The following COL9A1 variants were observed in gnomAD, a reference collection of about 807,000 sequenced individuals.
The protein encoded by COL9A1 is collagen type IX alpha 1 chain, also known as collagen alpha-1(IX) chain.
Under a neutral mutation model 142.6 loss-of-function variants are expected in COL9A1, and 104 were observed. The observed-to-expected ratio is 0.73, with a 90% CI of 0.62 to 0.86. The LOEUF (loss-of-function observed/expected upper bound fraction) is 0.86, where lower values mean the gene tolerates loss of function less well. Ranked by LOEUF, COL9A1 falls within the 40% of genes least tolerant of loss-of-function variation. COL9A1 has a pLI of 0.00. For synonymous variants in COL9A1, 466 were observed against 396.0 expected, an observed-to-expected ratio of 1.18 and a Z score of -2.10; for missense variants, 1,210 against 1,176.6, an observed-to-expected ratio of 1.03 and a Z score of -0.42.
chr6:70,226,109 G>A, intron 36 of COL9A1, 100 bp from the exon 37 acceptor site: 2 of 1,055,932 alleles, frequency 1.9e-6, no homozygotes, highest in Non-Finnish European at 2.8e-6. Flanking sequence ...AAACCAAAAG[G>A]TCATGAAATT....
intron 26 of COL9A1, chr6:70,253,154 A>G (rs1460478667): frequency 2.3e-6 from 1 of 432,276 alleles, no homozygotes; most frequent in Non-Finnish European, 4.3e-6. Context: ...TATACTGGCA[A>G]AGGATGACAT....
intron 5 of COL9A1, among the ~76,000 whole-genome samples, chr6:70,289,647 C>G (rs9446218): frequency 0.22 from 33,406 of 152,040 alleles, 4,419 homozygotes; most frequent in East Asian, 0.47. Context: ...AGAAAATATT[C>G]CCATTTTTCT....
intron 19 of COL9A1, among the ~76,000 whole-genome samples, chr6:70,262,813 T>C (rs1183975224): frequency 6.6e-6 from 1 of 152,240 alleles, no homozygotes. Context: ...TAAGAATGTT[T>C]TAATTAATTA....
At chr6:70,301,752 T>C (rs1215956575) in intron 2 of COL9A1, among the ~76,000 whole-genome samples, 1 of 152,210 alleles carries the variant, frequency 6.6e-6, no homozygotes, top group Non-Finnish European at 1.5e-5. Flanking sequence ...TACTAGGCAC[T>C]GCACTAGGCA....
chr6:70,272,407 C>T (rs921887657), intron 12 of COL9A1, among the ~76,000 whole-genome samples: 38 of 152,028 alleles, frequency 2.5e-4, no homozygotes, highest in African/African-American at 8.7e-4. Context: ...CAAAGAGGTG[C>T]ATCACAACTG....
chr6:70,274,807 T>A, intron 10 of COL9A1, 35 bp from the exon 11 acceptor site: 9 of 1,565,462 alleles, frequency 5.7e-6, no homozygotes, highest in Non-Finnish European at 7.9e-6. Flanking sequence ...AGAACTATCA[T>A]AACATCCTTA....
chr6:70,294,835 C>A (rs1478535865), intron 4 of COL9A1, among the ~76,000 whole-genome samples: 5 of 152,188 alleles, frequency 3.3e-5, no homozygotes, highest in Non-Finnish European at 7.3e-5. Flanking sequence ...ATAATCCCAA[C>A]AATATTACTA....
intron 37 of COL9A1, among the ~76,000 whole-genome samples, chr6:70,220,948 G>T (rs1345426870): frequency 6.6e-6 from 1 of 152,106 alleles, no homozygotes; most frequent in East Asian, 1.9e-4. Context: ...ACAAAGAAAT[G>T]ATAAATGTTT....
chr6:70,281,182 C>T, intron 8 of COL9A1, 143 bp from the exon 9 acceptor site: 3 of 810,450 alleles, frequency 3.7e-6, no homozygotes, highest in Non-Finnish European at 5.9e-6. Context: ...ACAAGGACAA[C>T]AGAGACACCT....
rs73745369 is a variant in COL9A1 at position 70,284,726 on chromosome 6, C to T, written c.697-906G>A. On this transcript the variant is annotated intron_variant, in intron 5 of 37. Transcript: ENST00000357250. Reference sequence around the variant, plus strand: ...ATGCTGGTATCTCTTAATTAAGGAGCTTTCTGCTAGGCATTTCAAATTGGA... The same window carrying T: ...ATGCTGGTATCTCTTAATTAAGGAGTTTTCTGCTAGGCATTTCAAATTGGA... Among the ~76,000 whole-genome samples the T allele has an allele frequency of 9.5e-3, 1,446 of 152,268 alleles. 16 individuals carry two copies. The highest frequency in any genetic ancestry group is 0.033 in the African/African-American group (1,360 of 41,550).
intron 8 of COL9A1, 31 bp from the exon 9 acceptor site, chr6:70,281,070 T>C: frequency 6.3e-7 from 1 of 1,589,112 alleles, no homozygotes; most frequent in Non-Finnish European, 8.6e-7. Context: ...GAGAGAGCAG[T>C]CTATGAGCGG....
chr6:70,215,735 A>G (rs1768460308), downstream of COL9A1: 1 of 152,230 alleles, frequency 6.6e-6, no homozygotes, highest in Admixed American at 6.5e-5. Context: ...GGGAGCTAAC[A>G]AGCCATTGGA....
chr6:70,219,140 G>C (rs1404955499), intron 37 of COL9A1, among the ~76,000 whole-genome samples: 1 of 152,102 alleles, frequency 6.6e-6, no homozygotes, highest in East Asian at 1.9e-4. Context: ...AGGTGAAGTT[G>C]ATTTTTTTAA....
At chr6:70,252,689 A>G (rs777945672) in intron 26 of COL9A1, among the ~76,000 whole-genome samples, 1 of 152,132 alleles carries the variant, frequency 6.6e-6, no homozygotes, top group Non-Finnish European at 1.5e-5. Context: ...ACATTAAACT[A>G]TTGAAACTAT....
Position 70,303,078 on chromosome 6 carries a change from C to A in COL9A1, c.-154G>T. 2.5e-6 allele frequency: 2 copies of A among 803,144 alleles called. No individual in the cohort carries two copies. The highest frequency in any genetic ancestry group is 1.4e-5 in the South Asian group (1 of 72,918). 49.8% of individuals were successfully genotyped at this position (803,144 alleles called of 1,614,324 possible). A position where few individuals can be genotyped will look rare whatever the true frequency, so the allele number is the denominator to read the frequency against. On this transcript the variant is annotated 5_prime_UTR_variant, in exon 1 of 38. Transcript: ENST00000357250. Reference sequence around the variant, plus strand: ...TCCTGCCCCCGGTGAGGGCTAAAAGCAAAGGGAGAGAACCAGAGGCATCTC... The same window carrying A: ...TCCTGCCCCCGGTGAGGGCTAAAAGAAAAGGGAGAGAACCAGAGGCATCTC...
intron 33 of COL9A1, among the ~76,000 whole-genome samples, chr6:70,235,488 CG>C (rs1321517942): frequency 6.6e-6 from 1 of 151,894 alleles, no homozygotes; most frequent in African/African-American, 2.4e-5. Context: ...ATCTTTCTTT[CG>C]GGGATAGTTA....
intron 4 of COL9A1, 29 bp from the exon 5 acceptor site, chr6:70,294,592 G>C (rs758430385): frequency 6.2e-7 from 1 of 1,608,450 alleles, no homozygotes; most frequent in South Asian, 1.1e-5. Context: ...TAGTAAACAT[G>C]CATCTTGTTT....
intron 28 of COL9A1, among the ~76,000 whole-genome samples, chr6:70,245,081 G>A (rs575890390): frequency 2.0e-5 from 3 of 152,170 alleles, no homozygotes; most frequent in Non-Finnish European, 4.4e-5. Context: ...CATTCTAAAT[G>A]CAGGTAATTT....
At chr6:70,296,297 GAA>G (rs1773847700) in intron 4 of COL9A1, among the ~76,000 whole-genome samples, 1 of 151,994 alleles carries the variant, frequency 6.6e-6, no homozygotes, top group Non-Finnish European at 1.5e-5. Context: ...GGTATGGGAT[GAA>G]TTATTTTATC....
Sources: allele counts gnomAD v4.1 joint callset (sites outside exome capture counted in the v4.1 genomes callset), GRCh38; gene constraint gnomAD v4.1.1; transcripts MANE v1.5; gene names NCBI Gene and HGNC (gene_info 2026-07-23, HGNC 2026-07-21).